The following CCDC73 variants were observed in gnomAD, a reference collection of about 807,000 sequenced individuals.
CCDC73 encodes coiled-coil domain containing 73.
In CCDC73, 95 loss-of-function variants were observed where a neutral mutation model predicts 116.5. The ratio of observed to expected loss-of-function variants is 0.82; its 90% CI spans 0.69 to 0.97. The LOEUF is 0.97. Ranked by LOEUF, CCDC73 falls within the 50% of genes least tolerant of loss-of-function variation. CCDC73 has a pLI of 0.00. For missense variants in CCDC73, 1,066 were observed against 1,206.8 expected (o/e 0.88, Z 1.73); for synonymous variants, 398 against 401.3 (o/e 0.99, Z 0.10).
chr11:32,792,345 T>C (rs1266244303), intron 1 of CCDC73, among the ~76,000 whole-genome samples: 2 of 152,168 alleles, frequency 1.3e-5, no homozygotes, highest in African/African-American at 2.4e-5. Flanking sequence ...AAGGTAAGTA[T>C]TGACTCATGT....
At position 32,658,506 on chromosome 11, in the gene CCDC73, T is replaced by C. The variant is rs548575994; in HGVS notation, c.646-3534A>G. On this transcript the variant is annotated intron_variant, in intron 9 of 17. Transcript: ENST00000335185. ...TGAACATGTAGAATGGACCAGATCA[T>C]GAAAGCTCTGGAAAGCCAATTAAAG... Among the ~76,000 whole-genome samples, 52 of 152,330 alleles carry C rather than the reference T, an allele frequency of 3.4e-4. No homozygotes were observed. In the South Asian group the frequency reaches 0.011, roughly 31 times the overall value.
chr11:32,734,079 A>G (rs1850104472), intron 2 of CCDC73, among the ~76,000 whole-genome samples: 1 of 152,246 alleles, frequency 6.6e-6, no homozygotes. Flanking sequence ...ATAAAACATG[A>G]TAAAGGGGAT....
intron 10 of CCDC73, 95 bp downstream of exon 10, chr11:32,654,749 T>G (rs1309163083): frequency 1.1e-5 from 10 of 947,666 alleles, no homozygotes; most frequent in Admixed American, 3.3e-5. Flanking sequence ...ATATTGACTT[T>G]GCAAAGGCGG....
chr11:32,815,938 G>A, the CCDC73 span, among the ~76,000 whole-genome samples: 4 of 152,226 alleles, frequency 2.6e-5, no homozygotes, highest in African/African-American at 9.6e-5. Context: ...GTAAGGAATG[G>A]GTATAAAAAG....
chr11:32,807,330 C>A, the CCDC73 span, among the ~76,000 whole-genome samples: 1 of 152,156 alleles, frequency 6.6e-6, no homozygotes, highest in Non-Finnish European at 1.5e-5. Flanking sequence ...GCACCACTAA[C>A]CCCTGCTGAT....
chr11:32,761,211 C>T (rs570447426), intron 1 of CCDC73, among the ~76,000 whole-genome samples: 72 of 152,194 alleles, frequency 4.7e-4, no homozygotes, highest in Middle Eastern at 3.4e-3. Flanking sequence ...AATCACACAT[C>T]ATGTAACCTA....
At chr11:32,615,025 A>G in intron 15 of CCDC73, 83 bp from the exon 16 acceptor site, 1 of 779,146 alleles carries the variant, frequency 1.3e-6, no homozygotes, top group East Asian at 2.7e-5. Flanking sequence ...CTATTTTTAT[A>G]AAAACATATT....
intron 1 of CCDC73, among the ~76,000 whole-genome samples, chr11:32,779,837 G>A (rs1715119771): frequency 2.0e-5 from 3 of 152,144 alleles, no homozygotes; most frequent in African/African-American, 7.2e-5. Flanking sequence ...AAGGGAAGAA[G>A]GTATACAGGT....
intron 1 of CCDC73, among the ~76,000 whole-genome samples, chr11:32,763,912 C>G (rs140739201): frequency 0.037 from 5,617 of 152,184 alleles, 140 homozygotes; most frequent in Middle Eastern, 0.058. Context: ...GTAGAGAAGT[C>G]CTTAAATGAC....
intron 14 of CCDC73, among the ~76,000 whole-genome samples, chr11:32,623,892 C>T (rs1855545056): frequency 6.6e-6 from 1 of 151,972 alleles, no homozygotes; most frequent in African/African-American, 2.4e-5. Context: ...AACTGATAAA[C>T]ATATAAAATA....
At chr11:32,723,088 T>C (rs138420399) in intron 2 of CCDC73, among the ~76,000 whole-genome samples, 232 of 152,288 alleles carry the variant, frequency 1.5e-3, no homozygotes, top group African/African-American at 5.2e-3. Flanking sequence ...ACTTCAGAAG[T>C]TAATCTTTAT....
Position 32,676,027 on chromosome 11 carries a change from T to C in CCDC73, c.430-6A>G, listed in dbSNP as rs1856085034. On this transcript the variant is annotated splice_region_variant and splice_polypyrimidine_tract_variant and intron_variant, in intron 7 of 17. Transcript: ENST00000335185. ...TGTAACTGGACCTTTTGTTCCTATT[T>C]TGAAGAGTAATTTTAAATGTTATAC... The C allele has an allele frequency of 6.3e-7, 1 of 1,580,734 alleles. No individual in the cohort carries two copies. Among genetic ancestry groups the C allele is most frequent in the Non-Finnish European group, 8.6e-7 (1 of 1,168,780 alleles).
At chr11:32,708,556 G>T (rs1310610764) in intron 3 of CCDC73, among the ~76,000 whole-genome samples, 1 of 152,214 alleles carries the variant, frequency 6.6e-6, no homozygotes, top group South Asian at 2.1e-4. Context: ...GTTTCCATTT[G>T]TTTATGTCAT....
At chr11:32,749,352 C>T (rs1850266924) in intron 2 of CCDC73, among the ~76,000 whole-genome samples, 1 of 151,870 alleles carries the variant, frequency 6.6e-6, no homozygotes, top group Non-Finnish European at 1.5e-5. Flanking sequence ...TTTTCAATTC[C>T]AGAATTTCTG....
At chr11:32,823,058 A>G in the CCDC73 span, among the ~76,000 whole-genome samples, 2 of 152,156 alleles carry the variant, frequency 1.3e-5, no homozygotes, top group Middle Eastern at 3.2e-3. Context: ...ACTTGAAGCC[A>G]GGATTTTTAG....
At chr11:32,817,009 T>C in the CCDC73 span, among the ~76,000 whole-genome samples, 3 of 152,184 alleles carry the variant, frequency 2.0e-5, no homozygotes, top group African/African-American at 7.2e-5. Context: ...GGTCTCAAAC[T>C]CCTGACCTCA....
At chr11:32,640,793 G>A (rs955183741) in intron 13 of CCDC73, among the ~76,000 whole-genome samples, 1 of 152,216 alleles carries the variant, frequency 6.6e-6, no homozygotes, top group African/African-American at 2.4e-5. Context: ...TAAGGCAGGC[G>A]GATCGCAAGG....
intron 9 of CCDC73, among the ~76,000 whole-genome samples, chr11:32,671,398 CAAAAAAAA>C (rs58075036): frequency 2.7e-4 from 33 of 122,412 alleles, no homozygotes; most frequent in South Asian, 5.0e-4. Flanking sequence ...AACTTTGCTC[CAAAAAAAA>C]AAAAAAAAAA....
intron 2 of CCDC73, among the ~76,000 whole-genome samples, chr11:32,728,338 C>A (rs1192551267): frequency 6.6e-6 from 1 of 152,080 alleles, no homozygotes; most frequent in Non-Finnish European, 1.5e-5. Flanking sequence ...ATAGGAGATC[C>A]AATAATATCA....
Sources: gnomAD v4.1 joint callset for allele counts (sites outside exome capture counted in the v4.1 genomes callset) on GRCh38, gnomAD v4.1.1 for gene constraint, MANE v1.5 for transcripts, NCBI Gene and HGNC (gene_info 2026-07-23, HGNC 2026-07-21) for gene names.